HEPH: variants seen among roughly 807,000 people sequenced by gnomAD.
HEPH encodes hephaestin.
In HEPH, 69 loss-of-function variants were observed where a neutral mutation model predicts 80.8. That is an observed-to-expected ratio of 0.85 (90% confidence interval 0.70 to 1.04). The LOEUF (loss-of-function observed/expected upper bound fraction) is 1.04. Ranked by LOEUF, HEPH falls within the 50% of genes least tolerant of loss-of-function variation. The probability of loss-of-function intolerance (pLI) is 0.00; values close to 1 mark genes in which losing one functional copy is unlikely to be tolerated. For synonymous variants in HEPH, 431 were observed against 322.8 expected (o/e 1.34, Z -3.60); for missense variants, 1,115 against 891.3 (o/e 1.25, Z -3.20).
At position 66,200,633 on chromosome X, in the gene HEPH, C is replaced by A. The variant is rs914816347; in HGVS notation, c.1958C>A (p.Thr653Asn). The A allele has an allele frequency of 2.3e-5, 28 of 1,208,215 alleles. No individual in the cohort carries two copies. The Middle Eastern group carries it at 1.4e-3, about 59-fold the overall frequency. ...AWHLLGLGTETDVHGVMFQGN... is the reference protein window; with the variant it reads ...AWHLLGLGTENDVHGVMFQGN... ...CACCTGCTCGGCCTGGGCACAGAGA[C>A]TGATGTGCATGGAGTCATGTTCCAG... Residue 653 changes from threonine (T) to asparagine (N), a missense_variant, in exon 12 of 21, where the codon ACT (threonine) becomes AAT (asparagine). Physicochemically the swap from Thr to Asn is moderately conservative, Grantham distance 65 (BLOSUM62 0). Coordinates refer to ENST00000343002, the MANE Select transcript of HEPH (RefSeq NM_001367233.3).
At chrX:66,199,299 T>C (rs753461898) in intron 11 of HEPH, among the ~76,000 whole-genome samples, 2 of 110,675 alleles carry the variant, frequency 1.8e-5, no homozygotes, top group South Asian at 7.8e-4. Flanking sequence ...TTGTGAAGAA[T>C]AAGCCAGATG....
At chrX:66,164,623 T>C (rs762678325) in intron 1 of HEPH, among the ~76,000 whole-genome samples, 153 bp downstream of exon 1, 1 of 112,101 alleles carries the variant, frequency 8.9e-6, no homozygotes, top group African/African-American at 3.2e-5. Flanking sequence ...GCAGGAAAGT[T>C]AAAGGAGACA....
At chrX:66,186,360 G>A (rs1387442909) in intron 4 of HEPH, among the ~76,000 whole-genome samples, 5 of 109,742 alleles carry the variant, frequency 4.6e-5, no homozygotes, top group African/African-American at 1.7e-4. Flanking sequence ...GCGAGATTCC[G>A]TGGGCGTAGG....
At chrX:66,253,396 A>G (rs1569407328) in intron 15 of HEPH, among the ~76,000 whole-genome samples, 1 of 112,591 alleles carries the variant, frequency 8.9e-6, no homozygotes, top group Non-Finnish European at 1.9e-5. Flanking sequence ...GGAAATCAAA[A>G]CTATAGTGAG....
chrX:66,222,351 A>T (rs762808777), intron 15 of HEPH, among the ~76,000 whole-genome samples: 2 of 112,300 alleles, frequency 1.8e-5, no homozygotes, highest in Admixed American at 9.3e-5. Flanking sequence ...CACCTGGTTG[A>T]CTGGAGGACC....
At chrX:66,241,314 CA>C (rs1275584427) in intron 15 of HEPH, among the ~76,000 whole-genome samples, 1 of 111,509 alleles carries the variant, frequency 9.0e-6, no homozygotes, top group African/African-American at 3.3e-5. Flanking sequence ...CATGGAGTGG[CA>C]AGTTGGATAA....
At chrX:66,224,203 G>A (rs1217306655) in intron 15 of HEPH, among the ~76,000 whole-genome samples, 1 of 109,349 alleles carries the variant, frequency 9.1e-6, no homozygotes, top group Admixed American at 9.8e-5. Context: ...ATGTTATATT[G>A]TTAACTTTTA....
intron 15 of HEPH, among the ~76,000 whole-genome samples, chrX:66,226,161 T>C (rs2089881243): frequency 8.9e-6 from 1 of 112,111 alleles, no homozygotes; most frequent in Non-Finnish European, 1.9e-5. Flanking sequence ...AGGCTGGGGT[T>C]GATCTTTAAC....
At chrX:66,261,275 G>A (rs1317034866) in intron 19 of HEPH, among the ~76,000 whole-genome samples, 1 of 111,874 alleles carries the variant, frequency 8.9e-6, no homozygotes, top group African/African-American at 3.2e-5. Flanking sequence ...CAGCTTATCT[G>A]AGTTACTACC....
intron 4 of HEPH, among the ~76,000 whole-genome samples, chrX:66,175,363 C>T (rs1376026198): frequency 8.9e-6 from 1 of 111,763 alleles, no homozygotes; most frequent in African/African-American, 3.3e-5. Context: ...TTCCACTGGT[C>T]CAAGTGCCTA....
chrX:66,218,164 A>G (rs1184434585), intron 15 of HEPH, among the ~76,000 whole-genome samples: 1 of 111,621 alleles, frequency 9.0e-6, no homozygotes, highest in African/African-American at 3.3e-5. Flanking sequence ...GACTTAAACT[A>G]TACCTAGAAC....
intron 15 of HEPH, among the ~76,000 whole-genome samples, chrX:66,245,153 C>A (rs1312319177): frequency 9.0e-6 from 1 of 110,916 alleles, no homozygotes; most frequent in Non-Finnish European, 1.9e-5. Flanking sequence ...TGTAAATGGG[C>A]TAAATGCTCC....
rs772467252 is a variant in HEPH, at chrX:66,180,963, C to A, written c.625+7162C>A. Among the ~76,000 whole-genome samples, 156 of 100,472 alleles carry A rather than the reference C, an allele frequency of 1.6e-3. 1 individual carries two copies. Among genetic ancestry groups the A allele is most frequent in the African/African-American group, 5.5e-3 (150 of 27,067 alleles). 87.2% of individuals were successfully genotyped at this position (100,472 alleles called of 115,157 possible). A position where few individuals can be genotyped will look rare whatever the true frequency, so the allele number is the denominator to read the frequency against. ...ATATGCGGTATTTGGTTTTTTTGTT[C>A]TTGCGATAGTTTACTGAGAATGATG... On this transcript the variant is annotated intron_variant, in intron 4 of 20. Coordinates refer to ENST00000343002, the MANE Select transcript of HEPH (RefSeq NM_001367233.3).
chrX:66,195,401 A>C (rs1480445660), intron 9 of HEPH, among the ~76,000 whole-genome samples, 172 bp downstream of exon 9: 1 of 111,683 alleles, frequency 9.0e-6, no homozygotes, highest in Non-Finnish European at 1.9e-5. Flanking sequence ...CTTCAATAAT[A>C]AGAGAAAATT....
chrX:66,260,286 G>C (rs1182827863), intron 19 of HEPH, 24 bp downstream of exon 19: 1 of 1,164,869 alleles, frequency 8.6e-7, no homozygotes. Context: ...TCCCCAAAAT[G>C]ATCATCTTCT....
At chrX:66,204,333 A>T (rs1213938890) in intron 13 of HEPH, among the ~76,000 whole-genome samples, 2 of 112,363 alleles carry the variant, frequency 1.8e-5, no homozygotes, top group African/African-American at 6.5e-5. Context: ...ACTAAAAAAG[A>T]AGGAGAGAAC....
chrX:66,187,421 T>A (rs1375744083), intron 4 of HEPH, among the ~76,000 whole-genome samples: 1 of 111,478 alleles, frequency 9.0e-6, no homozygotes, highest in Non-Finnish European at 1.9e-5. Flanking sequence ...AGGCTGTTCT[T>A]CAGATTCTTT....
At position 66,258,886 on chromosome X, in the gene HEPH, C is replaced by T. The variant is rs767719979; in HGVS notation, c.2943C>T (p.Tyr981=). The T allele has an allele frequency of 8.4e-7, 1 of 1,192,728 alleles. No homozygotes were observed. Among genetic ancestry groups the T allele is most frequent in the South Asian group, 1.8e-5 (1 of 54,076 alleles). ...LYANLRGLTM[Y]QGERVAWYML... is the part of the protein sequence containing the mutation. The stretch of plus-strand genomic sequence containing the variant: ...CCAACCTTAGGGGTCTTACCATGTA[C>T]CAAGGAGAACGAGTGGCCTGGTACA... The change falls in exon 18 of 21, where the codon TAC becomes TAT. Residue 981 remains tyrosine, a synonymous_variant. Coordinates refer to ENST00000343002, the MANE Select transcript of HEPH (RefSeq NM_001367233.3).
chrX:66,226,638 G>A (rs889036977), intron 15 of HEPH, among the ~76,000 whole-genome samples: 2 of 111,642 alleles, frequency 1.8e-5, no homozygotes, highest in African/African-American at 6.5e-5. Context: ...AAATTCAAAA[G>A]ATCACTCAAG....
Sources: allele counts gnomAD v4.1 joint callset (sites outside exome capture counted in the v4.1 genomes callset), GRCh38; gene constraint gnomAD v4.1.1; transcripts MANE v1.5; gene names NCBI Gene and HGNC (gene_info 2026-07-23, HGNC 2026-07-21).